The following TTYH2 variants were observed in gnomAD, a reference collection of about 807,000 sequenced individuals.
TTYH2 encodes the protein tweety family member 2, also known as protein tweety homolog 2.
Under a neutral mutation model 68.3 loss-of-function variants are expected in TTYH2, and 49 were observed. That is an observed-to-expected ratio of 0.72 (90% CI 0.57 to 0.91). TTYH2 has a LOEUF of 0.91. Ranked by LOEUF, TTYH2 falls within the 40% of genes least tolerant of loss-of-function variation. The pLI, the probability that TTYH2 is intolerant of heterozygous loss-of-function variation, is 0.00. For synonymous variants in TTYH2, 272 were observed against 300.8 expected (o/e 0.90, Z 0.99); for missense variants, 631 against 700.4 (o/e 0.90, Z 1.12).
rs2050195794 is a variant in TTYH2 at position 74,213,823 on chromosome 17, C to T, written c.129+107C>T. On this transcript the variant is annotated intron_variant, in intron 1 of 13. Transcript: ENST00000269346. This position sits in a 1 kb window ranked among gnomAD's most constrained non-coding sequence, Gnocchi z 6.1. ...TTCCCACGTGCCTCTCAGACCCCTT[C>T]TCTCCCCGCGCAGCCCTTTCCCGTC... The T allele has an allele frequency of 2.2e-6, 3 of 1,385,616 alleles. No individual in the cohort carries two copies. The Admixed American group carries it at 6.2e-5, about 29-fold the overall frequency. 85.8% of individuals were successfully genotyped at this position (1,385,616 alleles called of 1,614,324 possible).
At chr17:74,231,368 C>A (rs553486951) in intron 3 of TTYH2, among the ~76,000 whole-genome samples, 35 of 152,238 alleles carry the variant, frequency 2.3e-4, no homozygotes, top group Middle Eastern at 3.4e-3. Flanking sequence ...TTGCAAGGTC[C>A]AGGAGATGCC....
In TTYH2 at chr17:74,213,627, G is replaced by A; in HGVS notation, c.40G>A (p.Val14Ile). Reference sequence around the variant, plus strand: ...CGTGGACTACATCGCTCCCTGGTGGGTCGTGTGGCTGCACAGCGTCCCGCA... The same window carrying A: ...CGTGGACTACATCGCTCCCTGGTGGATCGTGTGGCTGCACAGCGTCCCGCA... Reference protein sequence around the residue: ...ARVDYIAPWWVVWLHSVPHVG... With the variant: ...ARVDYIAPWWIVWLHSVPHVG... The change falls in exon 1 of 14, where the codon GTC becomes ATC. Residue 14 changes from valine to isoleucine, a missense_variant. By Grantham distance (29) the Val-to-Ile change is conservative. Coordinates refer to ENST00000269346, the MANE Select transcript of TTYH2 (RefSeq NM_032646.6). This position sits in a 1 kb window ranked among gnomAD's most constrained non-coding sequence, Gnocchi z 6.1. 3 of 1,611,928 alleles carry A rather than the reference G, an allele frequency of 1.9e-6. No homozygotes were observed. In the South Asian group the frequency reaches 3.3e-5, roughly 18 times the overall value.
Position 74,248,959 on chromosome 17 carries a change from G to T in TTYH2, c.805-52G>T, listed in dbSNP as rs868519953. On this transcript the variant is annotated intron_variant, in intron 6 of 13. Coordinates refer to ENST00000269346, the MANE Select transcript of TTYH2 (RefSeq NM_032646.6). The stretch of plus-strand genomic sequence containing the variant: ...GGCTCCCGGCTCCTCCCAGGGCCCC[G>T]CTGTCCTGATACCTGATTTTCCTCC... 8.1e-6 allele frequency: 13 copies of T among 1,612,700 alleles called. No homozygotes were observed. The Middle Eastern group carries it at 4.9e-4, about 61-fold the overall frequency.
In TTYH2 at chr17:74,232,121, T is replaced by A. The variant is rs2050395335; in HGVS notation, c.414+1122T>A. On this transcript the variant is annotated intron_variant, in intron 3 of 13. Transcript: ENST00000269346. The surrounding 1 kb of genome is among the most constrained non-coding windows in gnomAD (Gnocchi z 5.1). Reference sequence around the variant, plus strand: ...TTTTCAGCTGCTTATCCGAGCAGCCTCTGCCACAAAATCCAGCCCCAACAG... The same window carrying A: ...TTTTCAGCTGCTTATCCGAGCAGCCACTGCCACAAAATCCAGCCCCAACAG... Among the ~76,000 whole-genome samples the A allele has an allele frequency of 6.6e-6, 1 of 152,322 alleles. No homozygotes were observed. The highest frequency in any genetic ancestry group is 2.1e-4 in the South Asian group (1 of 4,818).
intron 13 of TTYH2, among the ~76,000 whole-genome samples, chr17:74,258,109 G>A (rs2050711432): frequency 6.6e-6 from 1 of 150,936 alleles, no homozygotes; most frequent in Non-Finnish European, 1.5e-5. Context: ...AGCTGAGATT[G>A]CACCACTGCA....
chr17:74,244,884 T>TGTGTGTGTGTG (rs1567818120), intron 6 of TTYH2, among the ~76,000 whole-genome samples: 1 of 120,962 alleles, frequency 8.3e-6, no homozygotes, highest in Admixed American at 7.6e-5. Context: ...GTGTGTGTGT[T>TGTGTGTGTGTG]TGTGTGTGTG....
chr17:74,260,146 A>G lies in TTYH2; in HGVS notation c.1542A>G (p.Arg514=). The change falls in exon 14 of 14, where the codon AGA becomes AGG. Residue 514 remains arginine (R), a synonymous_variant. Coordinates refer to ENST00000269346, the MANE Select transcript of TTYH2 (RefSeq NM_032646.6). The part of the protein sequence containing the change: ...SPPPTYSPSM[R]ATYLSVADEH... ...CTTGGCAGTACTCTCCCAGCATGAG[A>G]GCCACCTACCTGTCTGTGGCGGATG... is the stretch of plus-strand genomic sequence containing the variant. The G allele has an allele frequency of 6.2e-7, 1 of 1,613,754 alleles. No homozygotes were observed. Among genetic ancestry groups the G allele is most frequent in the Non-Finnish European group, 8.5e-7 (1 of 1,179,816 alleles).
chr17:74,236,869 A>G (rs1396092589), intron 3 of TTYH2, among the ~76,000 whole-genome samples: 1 of 148,596 alleles, frequency 6.7e-6, no homozygotes, highest in Non-Finnish European at 1.5e-5. Flanking sequence ...TGGTGTGTTC[A>G]TTCATGCCTA....
At position 74,213,856 on chromosome 17, in the gene TTYH2, T is replaced by A; in HGVS notation, c.129+140T>A. 9.0e-7 allele frequency: 1 copy of A among 1,111,806 alleles called. No individual in the cohort carries two copies. The highest frequency in any genetic ancestry group is 2.6e-5 in the Admixed American group (1 of 38,136). 68.9% of individuals were successfully genotyped at this position (1,111,806 alleles called of 1,614,324 possible). On this transcript the variant is annotated intron_variant, in intron 1 of 13. Coordinates refer to ENST00000269346, the MANE Select transcript of TTYH2 (RefSeq NM_032646.6). This position sits in a 1 kb window ranked among gnomAD's most constrained non-coding sequence, Gnocchi z 6.1. ...GCGCAGCCCTTTCCCGTCTCCCCTC[T>A]CCCCTTTTCCCCCACCCTCCCAGGC...
rs997481103 is a variant in TTYH2 at position 74,241,331 on chromosome 17, A to G, written c.636-2043A>G. Reference sequence around the variant, plus strand: ...AATAAGAATGTGATCCAAACACTAGATGGTTTGCGAGGTTCCTTCCAGCTC... The same window carrying G: ...AATAAGAATGTGATCCAAACACTAGGTGGTTTGCGAGGTTCCTTCCAGCTC... On this transcript the variant is annotated intron_variant, in intron 4 of 13. Transcript: ENST00000269346. This position sits in a 1 kb window ranked among gnomAD's most constrained non-coding sequence, Gnocchi z 4.1. Among the ~76,000 whole-genome samples, 1 of 150,942 alleles carries G rather than the reference A, an allele frequency of 6.6e-6. No individual in the cohort carries two copies. Among genetic ancestry groups the G allele is most frequent in the Non-Finnish European group, 1.5e-5 (1 of 67,876 alleles).
At chr17:74,252,856 G>T (rs1001190238) in intron 11 of TTYH2, among the ~76,000 whole-genome samples, 3 of 152,192 alleles carry the variant, frequency 2.0e-5, no homozygotes, top group Admixed American at 6.5e-5. Flanking sequence ...ACCCACATGC[G>T]CATGGTCAGC....
chr17:74,222,647 C>A lies in TTYH2; in HGVS notation c.292C>A (p.Leu98Ile). Residue 98 changes from leucine to isoleucine, a missense_variant, in exon 2 of 14, where the codon CTC becomes ATC. By Grantham distance (5) the Leu-to-Ile change is conservative (BLOSUM62 2). Transcript: ENST00000269346. The surrounding 1 kb of genome is among the most constrained non-coding windows in gnomAD (Gnocchi z 5.2). ...CITWTAVVAG[L>I]ICCAAVGVGF... is the part of the protein sequence containing the mutation. ...CACCTGGACGGCCGTGGTGGCCGGG[C>A]TCATCTGCTGGTGAGTGTCCCTGGA... The A allele has an allele frequency of 6.2e-7, 1 of 1,608,864 alleles. No individual in the cohort carries two copies. Among genetic ancestry groups the A allele is most frequent in the Non-Finnish European group, 8.5e-7 (1 of 1,179,440 alleles).
chr17:74,242,823 C>T (rs1486604963), intron 4 of TTYH2, among the ~76,000 whole-genome samples: 1 of 152,254 alleles, frequency 6.6e-6, no homozygotes, highest in Non-Finnish European at 1.5e-5. Context: ...TGGCTATAAA[C>T]ATCAGGCCTT....
At position 74,222,975 on chromosome 17, in the gene TTYH2, CA is replaced by C. The variant is rs889365231; in HGVS notation, c.302+319del. On this transcript the variant is annotated intron_variant, in intron 2 of 13. Transcript: ENST00000269346. The surrounding 1 kb of genome is among the most constrained non-coding windows in gnomAD (Gnocchi z 5.2). ...TCCAGTCTCTGTCCCTGGCCCCTGC[CA>C]GCTGCTGCCCTGGGTCTGTGAGGTC... Among the ~76,000 whole-genome samples the C allele has an allele frequency of 1.3e-5, 2 of 152,158 alleles. No homozygotes were observed. The highest frequency in any genetic ancestry group is 4.8e-5 in the African/African-American group (2 of 41,440).
Position 74,241,319 on chromosome 17 carries a change from T to A in TTYH2, c.636-2055T>A, listed in dbSNP as rs534341571. Reference sequence around the variant, plus strand: ...TGTGCGTGTAAAAATAAGAATGTGATCCAAACACTAGATGGTTTGCGAGGT... The same window carrying A: ...TGTGCGTGTAAAAATAAGAATGTGAACCAAACACTAGATGGTTTGCGAGGT... On this transcript the variant is annotated intron_variant, in intron 4 of 13. Transcript: ENST00000269346. The surrounding 1 kb of genome is among the most constrained non-coding windows in gnomAD (Gnocchi z 4.1). Among the ~76,000 whole-genome samples, 1 of 150,468 alleles carries A rather than the reference T, an allele frequency of 6.6e-6. No individual in the cohort carries two copies. The highest frequency in any genetic ancestry group is 2.5e-5 in the African/African-American group (1 of 40,580).
At chr17:74,225,218 C>T (rs898906087) in intron 2 of TTYH2, among the ~76,000 whole-genome samples, 2 of 151,500 alleles carry the variant, frequency 1.3e-5, no homozygotes, top group Admixed American at 6.6e-5. Context: ...GAGGCAGGAG[C>T]GAGCATGGGG....
chr17:74,250,591 G>T (rs779111791), intron 10 of TTYH2: 1 of 508,776 alleles, frequency 2.0e-6, no homozygotes, highest in Non-Finnish European at 3.5e-6. Flanking sequence ...GTTGGATGCG[G>T]TTGGCTCTGG....
chr17:74,260,044 C>A, intron 13 of TTYH2, 85 bp from the exon 14 acceptor site: 1 of 1,242,820 alleles, frequency 8.0e-7, no homozygotes, highest in Non-Finnish European at 1.2e-6. Flanking sequence ...CGACCCAGTT[C>A]CACTCTGAGA....
chr17:74,255,958 A>G (rs1202292424), intron 13 of TTYH2, among the ~76,000 whole-genome samples: 1 of 152,182 alleles, frequency 6.6e-6, no homozygotes, highest in African/African-American at 2.4e-5. Flanking sequence ...GGCCCTGAGG[A>G]CCCAGGAAGT....
Sources: allele counts gnomAD v4.1 joint callset (sites outside exome capture counted in the v4.1 genomes callset), GRCh38; gene constraint gnomAD v4.1.1; non-coding constraint Gnocchi (gnomAD v3.1); transcripts MANE v1.5; gene names NCBI Gene and HGNC (gene_info 2026-07-23, HGNC 2026-07-21).